The following GP1BB variants were observed in gnomAD, a reference collection of about 807,000 sequenced individuals.
The protein encoded by GP1BB is platelet glycoprotein Ib beta chain.
GP1BB carries 3 observed loss-of-function variants against 2.5 expected under a neutral mutation model. That is an observed-to-expected ratio of 1.22 (90% CI 0.56 to 3.15). The LOEUF (loss-of-function observed/expected upper bound fraction) is 3.15. Ranked by LOEUF, GP1BB falls within the 30% of genes most tolerant of loss-of-function variation. GP1BB has a pLI of 0.03. For missense variants in GP1BB, 316 were observed against 307.0 expected, an observed-to-expected ratio of 1.03 and a Z score of -0.22; for synonymous variants, 191 against 167.5, an observed-to-expected ratio of 1.14 and a Z score of -1.08.
At position 19,724,512 on chromosome 22, in the gene GP1BB, G is replaced by A. The variant is rs1298706017; in HGVS notation, c.*48G>A. 1.5e-6 allele frequency: 2 copies of A among 1,301,312 alleles called. No individual in the cohort carries two copies. The highest frequency in any genetic ancestry group is 2.0e-5 in the Admixed American group (1 of 50,494). 80.6% of individuals were successfully genotyped at this position (1,301,312 alleles called of 1,614,324 possible). On this transcript the variant is annotated 3_prime_UTR_variant, in exon 2 of 2. Transcript: ENST00000366425. The stretch of plus-strand genomic sequence containing the variant: ...GGAGAGAACCGGCGCTGGGCAACAC[G>A]GGCCTGCAAACTCGACAGGACCCTG...
intron 1 of GP1BB, 50 bp from the exon 2 acceptor site, chr22:19,723,804 C>A (rs1189781509): frequency 2.0e-6 from 3 of 1,478,152 alleles, no homozygotes; most frequent in Non-Finnish European, 2.7e-6. Context: ...TCAGAGATGT[C>A]GCCCAGGTGC....
rs1216214977 is a variant in GP1BB at position 19,723,889 on chromosome 22, C to T, written c.46C>T (p.Leu16=). 1.3e-6 allele frequency: 2 copies of T among 1,521,830 alleles called. No homozygotes were observed. Among genetic ancestry groups the T allele is most frequent in the Non-Finnish European group, 1.8e-6 (2 of 1,141,642 alleles). The allele number at this position is 1,521,830 out of a possible 1,614,324, so 94.3% of individuals were successfully genotyped here. The change falls in exon 2 of 2, where the codon CTG becomes TTG. Residue 16 remains leucine, a synonymous_variant. Coordinates refer to ENST00000366425, the MANE Select transcript of GP1BB (RefSeq NM_000407.5). Reference sequence around the variant, plus strand: ...GGCGCTGAGCTTACTGCTCCTGCTGCTGGCCCCGCCGAGCCGCCCGGCCGC... The same window carrying T: ...GGCGCTGAGCTTACTGCTCCTGCTGTTGGCCCCGCCGAGCCGCCCGGCCGC... The part of the protein sequence containing the change: ...RGALSLLLLL[L]APPSRPAAGC...
rs1460283051 is a variant in GP1BB at position 19,724,500 on chromosome 22, G to T, written c.*36G>T. Reference sequence around the variant, plus strand: ...GGTGCGTCCTGAGGAGAGAACCGGCGCTGGGCAACACGGGCCTGCAAACTC... The same window carrying T: ...GGTGCGTCCTGAGGAGAGAACCGGCTCTGGGCAACACGGGCCTGCAAACTC... On this transcript the variant is annotated 3_prime_UTR_variant, in exon 2 of 2. Coordinates refer to ENST00000366425, the MANE Select transcript of GP1BB (RefSeq NM_000407.5). The T allele has an allele frequency of 7.2e-7, 1 of 1,389,146 alleles. No homozygotes were observed. Among genetic ancestry groups the T allele is most frequent in the South Asian group, 1.2e-5 (1 of 80,986 alleles). 86.1% of individuals were successfully genotyped at this position (1,389,146 alleles called of 1,614,324 possible).
Sources: allele counts gnomAD v4.1 joint callset, GRCh38; gene constraint gnomAD v4.1.1; transcripts MANE v1.5; gene names NCBI Gene and HGNC (gene_info 2026-07-23, HGNC 2026-07-21).